The following COL4A1 variants were observed in gnomAD, a reference collection of about 807,000 sequenced individuals.
COL4A1 encodes the protein collagen alpha-1(IV) chain.
A neutral mutation model predicts 216.6 loss-of-function variants in COL4A1; 40 were observed. That is an observed-to-expected ratio of 0.18 (90% CI 0.14 to 0.24). The LOEUF is 0.24. Ranked by LOEUF, COL4A1 falls within the 10% of genes least tolerant of loss-of-function variation. The pLI is 1.00. For synonymous variants in COL4A1, 839 were observed against 810.7 expected (o/e 1.03, Z -0.59); for missense variants, 1,628 against 2,196.8 (o/e 0.74, Z 5.18).
intron 1 of COL4A1, chr13:110,266,222 T>C (rs1883027814): frequency 6.6e-6 from 1 of 152,180 alleles, no homozygotes; most frequent in Non-Finnish European, 1.5e-5. Context: ...GTTTCAGCCG[T>C]GCGGTCTCAC....
chr13:110,155,491 C>G, intron 49 of COL4A1, 94 bp from the exon 50 acceptor site: 1 of 791,676 alleles, frequency 1.3e-6, no homozygotes, highest in Non-Finnish European at 2.2e-6. Context: ...AACATCCTCA[C>G]TCAGTCTTTC....
Position 110,201,366 on chromosome 13 carries a change from CGAGGAGGAGGAAGAGGAG to C in COL4A1, c.1084+54_1084+71del, listed in dbSNP as rs754326229. The C allele has an allele frequency of 7.1e-3, 7,469 of 1,047,610 alleles. 340 individuals are homozygous for C. The African/African-American group carries it at 0.13, about 19-fold the overall frequency. 64.9% of individuals were successfully genotyped at this position (1,047,610 alleles called of 1,614,324 possible). On this transcript the variant is annotated intron_variant, in intron 19 of 51. Coordinates refer to ENST00000375820, the MANE Select transcript of COL4A1 (RefSeq NM_001845.6). ...AACAGGAGGAGGAGGAGGAAGAGGA[CGAGGAGGAGGAAGAGGAG>C]GAGGAGAGAAGGAGGGGGAGTAGGA...
chr13:110,221,520 G>A (rs192468673), intron 2 of COL4A1, among the ~76,000 whole-genome samples: 1 of 152,282 alleles, frequency 6.6e-6, no homozygotes, highest in East Asian at 1.9e-4. Context: ...GGAGAACTGA[G>A]TGCTGATAAA....
At chr13:110,241,256 G>C (rs550335518) in intron 2 of COL4A1, among the ~76,000 whole-genome samples, 1 of 152,196 alleles carries the variant, frequency 6.6e-6, no homozygotes, top group African/African-American at 2.4e-5. Context: ...AAGGCCTGCC[G>C]GCTGGACAGA....
chr13:110,269,966 A>G (rs1011611139), intron 1 of COL4A1, among the ~76,000 whole-genome samples: 4 of 152,088 alleles, frequency 2.6e-5, no homozygotes, highest in African/African-American at 9.7e-5. Context: ...CTGTGACCTG[A>G]TTTAGGGAGA....
At chr13:110,158,097 G>A (rs1876876514) in intron 49 of COL4A1, among the ~76,000 whole-genome samples, 1 of 152,226 alleles carries the variant, frequency 6.6e-6, no homozygotes, top group African/African-American at 2.4e-5. Flanking sequence ...TTCTGAGCAA[G>A]AAAAGTCTCA....
intron 19 of COL4A1, 31 bp downstream of exon 19, chr13:110,201,406 AG>A (rs1555305672): frequency 2.6e-5 from 33 of 1,277,742 alleles, no homozygotes; most frequent in Non-Finnish European, 3.1e-5. Context: ...GAGGGGGAGT[AG>A]GAGGAGGGGG....
chr13:110,152,766 C>A (rs1876570193), intron 50 of COL4A1, among the ~76,000 whole-genome samples: 1 of 152,214 alleles, frequency 6.6e-6, no homozygotes, highest in South Asian at 2.1e-4. Context: ...GTGACCAGCC[C>A]AGCTTCATTA....
intron 29 of COL4A1, among the ~76,000 whole-genome samples, chr13:110,180,728 A>G (rs1489977575): frequency 1.3e-5 from 2 of 152,246 alleles, no homozygotes; most frequent in African/African-American, 4.8e-5. Context: ...ACAGTTCTCA[A>G]GCCGGGGCAA....
intron 1 of COL4A1, among the ~76,000 whole-genome samples, chr13:110,283,286 T>G (rs1883711575): frequency 6.6e-6 from 1 of 152,236 alleles, no homozygotes; most frequent in South Asian, 2.1e-4. Context: ...TAATGTAGAC[T>G]AGAAAATTTT....
rs187811799 is a variant in COL4A1 at position 110,170,270 on chromosome 13, C to T, written c.3742+277G>A. ...AACCCACAAGTGGGCCCAAGTGCTG[C>T]GCTGGTTTAAGTCCAACGCCACCGA... is the stretch of plus-strand genomic sequence containing the variant. On this transcript the variant is annotated intron_variant, in intron 42 of 51. Coordinates refer to ENST00000375820, the MANE Select transcript of COL4A1 (RefSeq NM_001845.6). 3.9e-5 allele frequency among the ~76,000 whole-genome samples: 6 copies of T among 152,154 alleles called. No individual in the cohort carries two copies. In the East Asian group the frequency reaches 5.8e-4, roughly 15 times the overall value.
intron 1 of COL4A1, among the ~76,000 whole-genome samples, chr13:110,285,742 T>A (rs1313214844): frequency 2.0e-5 from 3 of 152,176 alleles, no homozygotes; most frequent in South Asian, 2.1e-4. Flanking sequence ...CTGCCCCTGG[T>A]GCTCCCAGTT....
chr13:110,170,793 C>T (rs1434724489), intron 41 of COL4A1, 61 bp from the exon 42 acceptor site: 36 of 1,578,442 alleles, frequency 2.3e-5, no homozygotes, highest in African/African-American at 1.5e-4. Context: ...TAATCTCCAG[C>T]GTGGACGGCA....
At position 110,182,395 on chromosome 13, in the gene COL4A1, A is replaced by G. The variant is rs150253878; in HGVS notation, c.2095+598T>C. 2.8e-3 allele frequency among the ~76,000 whole-genome samples: 430 copies of G among 152,202 alleles called. 2 individuals carry two copies. Among genetic ancestry groups the G allele is most frequent in the African/African-American group, 9.5e-3 (395 of 41,562 alleles). On this transcript the variant is annotated intron_variant, in intron 28 of 51. Transcript: ENST00000375820. ...TGTACGAAGACAAACTTCCTTACAC[A>G]ACACGTCCCTTTTGTGCTCACAGCA...
chr13:110,169,868 ACTGG>A, intron 42 of COL4A1, 106 bp from the exon 43 acceptor site: 1 of 1,370,868 alleles, frequency 7.3e-7, no homozygotes, highest in Non-Finnish European at 9.8e-7. Context: ...CTGATACAAC[ACTGG>A]ACCAACAGTG....
At chr13:110,214,665 GGTTCTCTGGCCTTCAGATTCAGGGAC>G (rs1172738816) in intron 2 of COL4A1, among the ~76,000 whole-genome samples, 1 of 152,142 alleles carries the variant, frequency 6.6e-6, no homozygotes. Flanking sequence ...CAGAACTCTG[GGTTCTCTGGCCTTCAGATTCAGGGAC>G]TTGTACCACT....
chr13:110,237,969 T>C (rs1197986636), intron 2 of COL4A1, among the ~76,000 whole-genome samples: 1 of 152,238 alleles, frequency 6.6e-6, no homozygotes, highest in African/African-American at 2.4e-5. Context: ...GGCCACAGAC[T>C]TCTCCAGCCT....
chr13:110,213,682 A>C (rs565889675), intron 4 of COL4A1, 100 bp downstream of exon 4: 1 of 1,210,246 alleles, frequency 8.3e-7, no homozygotes, highest in East Asian at 2.4e-5. Flanking sequence ...GAGGAGATGG[A>C]GGACGAGGGC....
At chr13:110,212,732 A>C (rs1879875506) in intron 4 of COL4A1, 114 bp from the exon 5 acceptor site, 2 of 1,213,856 alleles carry the variant, frequency 1.6e-6, no homozygotes, top group Admixed American at 3.6e-5. Context: ...CAGAACACAC[A>C]CAAAGCAGAC....
Sources: gnomAD v4.1 joint callset for allele counts (sites outside exome capture counted in the v4.1 genomes callset) on GRCh38, gnomAD v4.1.1 for gene constraint, MANE v1.5 for transcripts, NCBI Gene and HGNC (gene_info 2026-07-23, HGNC 2026-07-21) for gene names.